GRM1: variants seen among roughly 807,000 people sequenced by gnomAD.
GRM1 encodes glutamate metabotropic receptor 1.
GRM1 carries 33 observed loss-of-function variants against 90.9 expected under a neutral mutation model. The observed-to-expected ratio is 0.36, with a 90% confidence interval of 0.28 to 0.49. GRM1 has a LOEUF of 0.49. Among genes scored for constraint, GRM1 ranks in the 20% least tolerant of loss-of-function variants. GRM1 has a pLI of 0.99. For missense variants in GRM1, 1,190 were observed against 1,534.3 expected (o/e 0.78, Z 3.75); for synonymous variants, 700 against 613.2 (o/e 1.14, Z -2.09).
intron 2 of GRM1, among the ~76,000 whole-genome samples, chr6:146,162,156 T>A (rs1417953059): frequency 2.0e-5 from 3 of 152,188 alleles, no homozygotes; most frequent in Non-Finnish European, 4.4e-5. Context: ...AATGTTGAAG[T>A]TTTTTGAGAT....
chr6:146,110,594 C>T (rs1391498125), intron 1 of GRM1, among the ~76,000 whole-genome samples: 2 of 152,172 alleles, frequency 1.3e-5, no homozygotes, highest in African/African-American at 4.8e-5. Context: ...TCACCTAGCT[C>T]CTTCTCTCAA....
At chr6:146,280,942 T>A (rs1782544666) in intron 2 of GRM1, among the ~76,000 whole-genome samples, 1 of 152,016 alleles carries the variant, frequency 6.6e-6, no homozygotes. Flanking sequence ...ATTTTTTATG[T>A]CTTCATTTTT....
intron 2 of GRM1, among the ~76,000 whole-genome samples, chr6:146,193,675 C>T (rs1779008201): frequency 6.6e-6 from 1 of 152,070 alleles, no homozygotes; most frequent in Non-Finnish European, 1.5e-5. Context: ...TAATGCAATA[C>T]ATTTTTTGTT....
At chr6:146,071,057 C>T (rs1008310208) in intron 1 of GRM1, among the ~76,000 whole-genome samples, 5 of 152,064 alleles carry the variant, frequency 3.3e-5, no homozygotes, top group East Asian at 1.9e-4. Context: ...TCCAAATTTG[C>T]GAGTCATTCT....
Position 146,029,899 on chromosome 6 carries a change from A to G in GRM1, c.382A>G (p.Ile128Val), listed in dbSNP as rs1405551355. ...CATTGAGTTCATTAGGGACTCTCTG[A>G]TTTCCATTCGAGATGAGAAGGATGG... ...QSIEFIRDSL[I>V]SIRDEKDGIN... Residue 128 changes from isoleucine (I) to valine (V), a missense_variant, in exon 1 of 8, where the codon ATT becomes GTT. This residue lies in a region of GRM1 where 91 missense variants were observed against 95.6 expected (regional missense o/e 0.95). Transcript: ENST00000282753. 6.2e-7 allele frequency: 1 copy of G among 1,614,020 alleles called. No homozygotes were observed. Among genetic ancestry groups the G allele is most frequent in the South Asian group, 1.1e-5 (1 of 91,072 alleles).
At chr6:146,279,781 A>G (rs970674879) in intron 2 of GRM1, among the ~76,000 whole-genome samples, 4 of 152,118 alleles carry the variant, frequency 2.6e-5, no homozygotes, top group African/African-American at 4.8e-5. Flanking sequence ...TATACTGACT[A>G]TAGAAATGTA....
chr6:146,193,681 T>C (rs1779008737), intron 2 of GRM1, among the ~76,000 whole-genome samples: 1 of 152,226 alleles, frequency 6.6e-6, no homozygotes, highest in African/African-American at 2.4e-5. Context: ...AATACATTTT[T>C]TGTTCTTACC....
Position 146,308,242 on chromosome 6 carries a change from G to A in GRM1, c.1186+3396G>A, listed in dbSNP as rs1315174856. 2.6e-5 allele frequency among the ~76,000 whole-genome samples: 4 copies of A among 152,264 alleles called. No individual in the cohort carries two copies. The East Asian group carries it at 7.7e-4, about 29-fold the overall frequency. ...CAGTTCAGTTATGTATCAGCCGCAC[G>A]ACTTGCATGACCTCACTTAACCTCA... On this transcript the variant is annotated intron_variant, in intron 3 of 7. Transcript: ENST00000282753.
chr6:146,124,771 A>G (rs1776133432), intron 1 of GRM1, among the ~76,000 whole-genome samples: 1 of 152,198 alleles, frequency 6.6e-6, no homozygotes, highest in Non-Finnish European at 1.5e-5. Flanking sequence ...CTTTAAATGC[A>G]TGCTTATCTT....
intron 2 of GRM1, among the ~76,000 whole-genome samples, chr6:146,238,778 G>T (rs1780743326): frequency 6.6e-6 from 1 of 152,066 alleles, no homozygotes; most frequent in South Asian, 2.1e-4. Flanking sequence ...ACAGATTTAT[G>T]ATTTTAATGA....
At chr6:146,265,067 T>C (rs758686538) in intron 2 of GRM1, among the ~76,000 whole-genome samples, 5 of 152,160 alleles carry the variant, frequency 3.3e-5, no homozygotes, top group Admixed American at 6.5e-5. Context: ...GATTGCTGGG[T>C]CAAATGGTAG....
At chr6:146,102,726 G>C (rs1430153097) in intron 1 of GRM1, among the ~76,000 whole-genome samples, 1 of 152,014 alleles carries the variant, frequency 6.6e-6, no homozygotes, top group Non-Finnish European at 1.5e-5. Flanking sequence ...AATTCTTTCA[G>C]TTTAGCAGCT....
At chr6:146,157,971 G>T (rs1777579018) in intron 1 of GRM1, among the ~76,000 whole-genome samples, 1 of 152,028 alleles carries the variant, frequency 6.6e-6, no homozygotes, top group Non-Finnish European at 1.5e-5. Context: ...AATGATTAAT[G>T]AAATATTTAA....
At chr6:146,240,648 G>A (rs140678987) in intron 2 of GRM1, among the ~76,000 whole-genome samples, 130 of 152,252 alleles carry the variant, frequency 8.5e-4, no homozygotes, top group African/African-American at 2.9e-3. Context: ...TCAATCTTTG[G>A]TGACACAGAG....
At chr6:146,149,350 G>T (rs1377195253) in intron 1 of GRM1, among the ~76,000 whole-genome samples, 1 of 152,162 alleles carries the variant, frequency 6.6e-6, no homozygotes, top group Non-Finnish European at 1.5e-5. Flanking sequence ...ACAATCATGA[G>T]CTTGGGTTTT....
chr6:146,296,664 C>T (rs1464116923), intron 2 of GRM1, among the ~76,000 whole-genome samples: 1 of 152,050 alleles, frequency 6.6e-6, no homozygotes, highest in Non-Finnish European at 1.5e-5. Context: ...CATTTGGATC[C>T]TAGGGATTTT....
chr6:146,160,370 A>G (rs1777678959), intron 2 of GRM1, among the ~76,000 whole-genome samples: 1 of 152,218 alleles, frequency 6.6e-6, no homozygotes, highest in Non-Finnish European at 1.5e-5. Flanking sequence ...TTGGCAATAG[A>G]TGGTCATCAT....
chr6:146,105,451 T>C (rs562180405), intron 1 of GRM1, among the ~76,000 whole-genome samples: 2 of 152,204 alleles, frequency 1.3e-5, no homozygotes, highest in African/African-American at 4.8e-5. Flanking sequence ...TGAAAATGCA[T>C]GGTGGCAAGC....
chr6:146,260,007 A>G (rs920301730), intron 2 of GRM1, among the ~76,000 whole-genome samples: 26 of 148,330 alleles, frequency 1.8e-4, no homozygotes, highest in Non-Finnish European at 1.6e-4. Context: ...ACACTATTTT[A>G]TTTTTATTAT....
Sources: allele counts gnomAD v4.1 joint callset (sites outside exome capture counted in the v4.1 genomes callset), GRCh38; gene constraint gnomAD v4.1.1; regional missense constraint gnomAD v4.1.1; transcripts MANE v1.5; gene names NCBI Gene and HGNC (gene_info 2026-07-23, HGNC 2026-07-21).